CNBD1: variants seen among roughly 807,000 people sequenced by gnomAD.
CNBD1 encodes the protein cyclic nucleotide binding domain containing 1.
In CNBD1, 71 loss-of-function variants were observed where a neutral mutation model predicts 54.4. The ratio of observed to expected loss-of-function variants is 1.30; its 90% CI spans 1.08 to 1.59. The LOEUF (loss-of-function observed/expected upper bound fraction) is 1.59, where lower values mean the gene tolerates loss of function less well. CNBD1 is among the 40% of genes most tolerant of loss of function. CNBD1 has a pLI of 0.00. For synonymous variants in CNBD1, 182 were observed against 170.7 expected (o/e 1.07, Z -0.51); for missense variants, 659 against 518.0 (o/e 1.27, Z -2.64).
chr8:87,276,212 A>T (rs1292015564), intron 6 of CNBD1, among the ~76,000 whole-genome samples: 2 of 151,830 alleles, frequency 1.3e-5, no homozygotes, highest in African/African-American at 4.8e-5. Flanking sequence ...CTTCCTATCT[A>T]TATGTAGAAA....
chr8:87,226,845 A>C, intron 5 of CNBD1, among the ~76,000 whole-genome samples: 1 of 151,178 alleles, frequency 6.6e-6, no homozygotes, highest in African/African-American at 2.5e-5. Context: ...TGGGGTGTTA[A>C]AGTCTCCCAT....
chr8:87,189,996 A>C (rs923428220), intron 4 of CNBD1, among the ~76,000 whole-genome samples: 2 of 152,198 alleles, frequency 1.3e-5, no homozygotes, highest in Non-Finnish European at 2.9e-5. Context: ...ATTTGAGAAG[A>C]AAGTCACATT....
chr8:87,370,172 G>C (rs534015214), intron 10 of CNBD1, among the ~76,000 whole-genome samples: 1 of 151,638 alleles, frequency 6.6e-6, no homozygotes, highest in Non-Finnish European at 1.5e-5. Flanking sequence ...ATTGTGAATA[G>C]TGCCGCAATA....
chr8:87,248,484 T>C (rs1183313061), intron 6 of CNBD1, among the ~76,000 whole-genome samples: 1 of 152,228 alleles, frequency 6.6e-6, no homozygotes, highest in East Asian at 1.9e-4. Context: ...ATTGCTTCTA[T>C]TCTTTGTGTT....
intron 4 of CNBD1, among the ~76,000 whole-genome samples, chr8:87,087,502 CGCCCA>C (rs1216419311): frequency 1.4e-5 from 2 of 138,754 alleles, no homozygotes; most frequent in African/African-American, 5.5e-5. Flanking sequence ...CTCACTCTGT[CGCCCA>C]GGCTGGAGTG....
intron 6 of CNBD1, among the ~76,000 whole-genome samples, chr8:87,240,105 GACACAA>G (rs1248591541): frequency 2.4e-5 from 3 of 124,020 alleles, no homozygotes; most frequent in Non-Finnish European, 3.5e-5. Flanking sequence ...CACACACACA[GACACAA>G]ACATGCACTT....
chr8:87,399,570 G>T (rs956123552), intron 2 of CNBD1, among the ~76,000 whole-genome samples: 1 of 151,952 alleles, frequency 6.6e-6, no homozygotes, highest in Non-Finnish European at 1.5e-5. Flanking sequence ...CTAATATAAA[G>T]CCCCTAATGC....
intron 3 of CNBD1, among the ~76,000 whole-genome samples, chr8:86,935,258 G>A (rs1024379191): frequency 2.0e-5 from 3 of 151,866 alleles, no homozygotes; most frequent in Admixed American, 1.3e-4. Flanking sequence ...GGATGGTCTC[G>A]ATCTCCTGAC....
At chr8:86,960,227 T>A (rs1684531552) in intron 4 of CNBD1, among the ~76,000 whole-genome samples, 1 of 152,066 alleles carries the variant, frequency 6.6e-6, no homozygotes, top group Admixed American at 6.6e-5. Context: ...GGAATTCCCT[T>A]TACTAGCCAA....
intron 4 of CNBD1, among the ~76,000 whole-genome samples, chr8:87,038,663 T>G (rs569579826): frequency 6.6e-6 from 1 of 152,214 alleles, no homozygotes; most frequent in Non-Finnish European, 1.5e-5. Flanking sequence ...TCCTAATGTA[T>G]TGGCCATTCA....
Position 87,163,980 on chromosome 8 carries a change from A to G in CNBD1, c.432-42013A>G, listed in dbSNP as rs1434130599. On this transcript the variant is annotated intron_variant, in intron 4 of 10. Transcript: ENST00000518476. This position sits in a 1 kb window ranked among gnomAD's most constrained non-coding sequence, Gnocchi z 4.5. ...TTGAGATACTTTCCTCCTGTACCTAATTTGTTGAGAATTTCTATTTTTGAA... is the reference window on the plus strand; with the variant it reads ...TTGAGATACTTTCCTCCTGTACCTAGTTTGTTGAGAATTTCTATTTTTGAA... Among the ~76,000 whole-genome samples the G allele has an allele frequency of 6.6e-6, 1 of 151,762 alleles. No individual in the cohort carries two copies. Among genetic ancestry groups the G allele is most frequent in the African/African-American group, 2.4e-5 (1 of 41,364 alleles).
chr8:87,355,195 T>G (rs1007489159), intron 10 of CNBD1, among the ~76,000 whole-genome samples: 2 of 152,234 alleles, frequency 1.3e-5, no homozygotes, highest in African/African-American at 4.8e-5. Flanking sequence ...TAATATATTC[T>G]GAATTAATTG....
At chr8:87,191,150 A>G (rs918973675) in intron 4 of CNBD1, among the ~76,000 whole-genome samples, 10 of 151,918 alleles carry the variant, frequency 6.6e-5, no homozygotes, top group African/African-American at 2.2e-4. Context: ...CAGGAAAGCC[A>G]ACAGTGTAGA....
At chr8:87,253,909 C>T (rs1807958041) in intron 6 of CNBD1, among the ~76,000 whole-genome samples, 1 of 152,058 alleles carries the variant, frequency 6.6e-6, no homozygotes, top group Non-Finnish European at 1.5e-5. Flanking sequence ...AAAAAATCAA[C>T]ACGTATAGGA....
At chr8:87,357,303 A>G (rs1338078395) in intron 10 of CNBD1, among the ~76,000 whole-genome samples, 1 of 152,152 alleles carries the variant, frequency 6.6e-6, no homozygotes, top group East Asian at 1.9e-4. Context: ...TGGTAGAGCC[A>G]TGGGCAGCTT....
At position 86,997,730 on chromosome 8, in the gene CNBD1, A is replaced by G. The variant is rs572567537; in HGVS notation, c.431+57976A>G. Among the ~76,000 whole-genome samples the G allele has an allele frequency of 1.1e-4, 16 of 152,240 alleles. No individual in the cohort carries two copies. In the South Asian group the frequency reaches 3.3e-3, roughly 32 times the overall value. Reference sequence around the variant, plus strand: ...GTAGCCTTCAGGTTCCTAAGGAGTTACCACTGGGAGGATTAACAGTATTTT... The same window carrying G: ...GTAGCCTTCAGGTTCCTAAGGAGTTGCCACTGGGAGGATTAACAGTATTTT... On this transcript the variant is annotated intron_variant, in intron 4 of 10. Transcript: ENST00000518476.
intron 4 of CNBD1, among the ~76,000 whole-genome samples, chr8:86,983,620 G>A (rs182139521): frequency 2.0e-5 from 3 of 152,212 alleles, no homozygotes; most frequent in Non-Finnish European, 4.4e-5. Context: ...CAGAAAGGAG[G>A]AACTTTTTGG....
chr8:87,165,336 A>G (rs980803734), intron 4 of CNBD1, among the ~76,000 whole-genome samples: 1 of 151,952 alleles, frequency 6.6e-6, no homozygotes, highest in Non-Finnish European at 1.5e-5. Flanking sequence ...AGATCTATCT[A>G]ATAGTGAAAA....
At chr8:87,278,921 A>G (rs940647587) in intron 6 of CNBD1, among the ~76,000 whole-genome samples, 1 of 151,436 alleles carries the variant, frequency 6.6e-6, no homozygotes, top group African/African-American at 2.4e-5. Context: ...GTAATATAGC[A>G]CTTCCTTCTT....
Sources: gnomAD v4.1 joint callset for allele counts (sites outside exome capture counted in the v4.1 genomes callset) on GRCh38, gnomAD v4.1.1 for gene constraint, Gnocchi (gnomAD v3.1) non-coding constraint, MANE v1.5 for transcripts, NCBI Gene and HGNC (gene_info 2026-07-23, HGNC 2026-07-21) for gene names.